The following PDGFD variants were observed in gnomAD, a reference collection of about 807,000 sequenced individuals.
PDGFD encodes platelet derived growth factor D.
A neutral mutation model predicts 44.7 loss-of-function variants in PDGFD; 30 were observed. The ratio of observed to expected loss-of-function variants is 0.67; its 90% CI spans 0.50 to 0.91. The LOEUF is 0.91. Among genes scored for constraint, PDGFD ranks in the 40% least tolerant of loss-of-function variants. PDGFD has a pLI of 0.00. For synonymous variants in PDGFD, 173 were observed against 168.4 expected, an observed-to-expected ratio of 1.03 and a Z score of -0.21; for missense variants, 445 against 457.8, an observed-to-expected ratio of 0.97 and a Z score of 0.25.
At chr11:104,064,988 G>C (rs766052816) in intron 1 of PDGFD, among the ~76,000 whole-genome samples, 3 of 152,170 alleles carry the variant, frequency 2.0e-5, no homozygotes, top group Non-Finnish European at 4.4e-5. Context: ...ACTGGGAAAG[G>C]CAGACCCACC....
intron 6 of PDGFD, among the ~76,000 whole-genome samples, chr11:103,917,926 C>G (rs958272843): frequency 6.6e-6 from 1 of 152,218 alleles, no homozygotes; most frequent in African/African-American, 2.4e-5. Flanking sequence ...ACTCATGCAT[C>G]ACGGTCTGCA....
At chr11:104,135,649 T>C (rs1861993626) in intron 1 of PDGFD, among the ~76,000 whole-genome samples, 1 of 152,108 alleles carries the variant, frequency 6.6e-6, no homozygotes, top group South Asian at 2.1e-4. Flanking sequence ...ACCTACTCCT[T>C]GCAGTGTGGA....
At position 103,926,979 on chromosome 11, in the gene PDGFD, C is replaced by A; in HGVS notation, c.920G>T (p.Gly307Val). 6.2e-7 allele frequency: 1 copy of A among 1,614,200 alleles called. No individual in the cohort carries two copies. The highest frequency in any genetic ancestry group is 8.5e-7 in the Non-Finnish European group (1 of 1,180,024). The change falls in exon 6 of 7, where the codon GGC (glycine) becomes GTC (valine). Residue 307 changes from glycine (G) to valine (V), a missense_variant. By Grantham distance (109) the Gly-to-Val change is moderately radical. Transcript: ENST00000393158. ...GGACCTCCAGTTGACAGTTCCACAG[C>A]CACAATTTCCTCCACAGCGCTGCAC... is the stretch of plus-strand genomic sequence containing the variant. ...LLVQRCGGNCGCGTVNWRSCT... is the reference protein window; with the variant it reads ...LLVQRCGGNCVCGTVNWRSCT...
chr11:103,992,288 T>C (rs774353795), intron 3 of PDGFD, among the ~76,000 whole-genome samples: 3 of 152,116 alleles, frequency 2.0e-5, no homozygotes, highest in Non-Finnish European at 4.4e-5. Context: ...AGGCACTGTA[T>C]AGAATTATGC....
chr11:103,943,904 G>A (rs563998764), intron 4 of PDGFD, among the ~76,000 whole-genome samples: 1 of 142,000 alleles, frequency 7.0e-6, no homozygotes, highest in South Asian at 2.2e-4. Flanking sequence ...TTTATCTTAA[G>A]TGTAATCATC....
At chr11:104,051,095 A>G in intron 1 of PDGFD, among the ~76,000 whole-genome samples, 1 of 140,002 alleles carries the variant, frequency 7.1e-6, no homozygotes, top group South Asian at 2.2e-4. Context: ...ACAAGGTGAT[A>G]CAGGAAAAAA....
intron 1 of PDGFD, among the ~76,000 whole-genome samples, chr11:104,159,524 C>T (rs1362896723): frequency 6.6e-6 from 1 of 152,140 alleles, no homozygotes; most frequent in Non-Finnish European, 1.5e-5. Context: ...TGACTCAGCT[C>T]TTAAGGACAG....
chr11:104,040,806 C>CTA (rs560417099), intron 1 of PDGFD, among the ~76,000 whole-genome samples: 188 of 152,010 alleles, frequency 1.2e-3, no homozygotes, highest in Non-Finnish European at 2.1e-3. Context: ...TTCTATCTCT[C>CTA]TATACATCAT....
intron 1 of PDGFD, chr11:104,037,322 T>C (rs768971635): frequency 1.2e-6 from 2 of 1,613,772 alleles, no homozygotes; most frequent in East Asian, 4.5e-5. Context: ...AACCCTCCCT[T>C]GGCGGAAGCC....
intron 1 of PDGFD, among the ~76,000 whole-genome samples, chr11:104,045,705 A>T (rs1450341472): frequency 1.5e-4 from 20 of 130,574 alleles, no homozygotes; most frequent in African/African-American, 5.2e-4. Flanking sequence ...AAGGAATAGA[A>T]ACTTCAGAAG....
intron 1 of PDGFD, among the ~76,000 whole-genome samples, chr11:104,065,684 T>C (rs941073236): frequency 6.6e-6 from 1 of 152,214 alleles, no homozygotes; most frequent in African/African-American, 2.4e-5. Context: ...AATTCAACCT[T>C]TGGGTAATGT....
At position 103,947,728 on chromosome 11, in the gene PDGFD, G is replaced by A; in HGVS notation, c.511-4C>T. ...CTGCTGCGGGTTGGAAATCTTCCTG[G>A]AAGGCAAAGAAACATCTGTGAGTCA... On this transcript the variant is annotated splice_region_variant and splice_polypyrimidine_tract_variant and intron_variant, in intron 3 of 6. Transcript: ENST00000393158. 6.2e-7 allele frequency: 1 copy of A among 1,611,566 alleles called. No homozygotes were observed. Among genetic ancestry groups the A allele is most frequent in the Non-Finnish European group, 8.5e-7 (1 of 1,177,848 alleles).
chr11:104,037,432 G>A lies in PDGFD; in HGVS notation c.125-37177C>T, dbSNP rs199967405. 7.4e-6 allele frequency: 12 copies of A among 1,614,076 alleles called. No individual in the cohort carries two copies. In the South Asian group the frequency reaches 7.7e-5, roughly 10 times the overall value. ...AGAGAGGCTTCGTCTCTACACAGCC[G>A]ACCCACTGGATCGGGAAGCTCAGGC... is the stretch of plus-strand genomic sequence containing the variant. On this transcript the variant is annotated intron_variant, in intron 1 of 6. Coordinates refer to ENST00000393158, the MANE Select transcript of PDGFD (RefSeq NM_025208.5).
intron 1 of PDGFD, among the ~76,000 whole-genome samples, chr11:104,048,591 C>T (rs886700178): frequency 1.3e-5 from 2 of 152,136 alleles, no homozygotes; most frequent in Non-Finnish European, 2.9e-5. Flanking sequence ...TACAAATATT[C>T]TAAGTCACCT....
At chr11:104,006,522 C>T (rs949783578) in intron 1 of PDGFD, among the ~76,000 whole-genome samples, 8 of 152,214 alleles carry the variant, frequency 5.3e-5, no homozygotes, top group African/African-American at 1.9e-4. Context: ...TGGAAATCCA[C>T]AGCCCTAAAT....
chr11:104,133,310 T>C (rs571483260), intron 1 of PDGFD, among the ~76,000 whole-genome samples: 1 of 152,330 alleles, frequency 6.6e-6, no homozygotes, highest in South Asian at 2.1e-4. Context: ...GGAACAATTT[T>C]CATCAAGAAG....
At chr11:103,962,704 G>A (rs535203661) in intron 3 of PDGFD, among the ~76,000 whole-genome samples, 21 of 152,148 alleles carry the variant, frequency 1.4e-4, no homozygotes, top group Non-Finnish European at 2.5e-4. Flanking sequence ...AACACCGACT[G>A]TGTGACCTTA....
chr11:103,934,029 T>C (rs1426552154), intron 5 of PDGFD, among the ~76,000 whole-genome samples: 1 of 152,208 alleles, frequency 6.6e-6, no homozygotes, highest in African/African-American at 2.4e-5. Flanking sequence ...AATTTCTTGT[T>C]CTCATTTACT....
intron 1 of PDGFD, among the ~76,000 whole-genome samples, chr11:104,004,475 A>G (rs1380739586): frequency 6.6e-6 from 1 of 152,194 alleles, no homozygotes; most frequent in African/African-American, 2.4e-5. Context: ...CAAACAGTAC[A>G]TCATTTTATA....
Sources: allele counts gnomAD v4.1 joint callset (sites outside exome capture counted in the v4.1 genomes callset), GRCh38; gene constraint gnomAD v4.1.1; transcripts MANE v1.5; gene names NCBI Gene and HGNC (gene_info 2026-07-23, HGNC 2026-07-21).